Variants in SULF1 observed in about 807,000 individuals in gnomAD.
The protein encoded by SULF1 is extracellular sulfatase Sulf-1.
A neutral mutation model predicts 110.5 loss-of-function variants in SULF1; 46 were observed. The observed-to-expected ratio is 0.42, with a 90% CI of 0.33 to 0.53. The LOEUF is 0.53. Among genes scored for constraint, SULF1 ranks in the 20% least tolerant of loss-of-function variants. The probability of loss-of-function intolerance (pLI) is 0.12; values close to 1 mark genes in which losing one functional copy is unlikely to be tolerated. For synonymous variants in SULF1, 371 were observed against 387.1 expected, an observed-to-expected ratio of 0.96 and a Z score of 0.49; for missense variants, 941 against 1,094.2, an observed-to-expected ratio of 0.86 and a Z score of 1.98.
chr8:69,526,855 A>C (rs140239135), intron 3 of SULF1, among the ~76,000 whole-genome samples: 158 of 140,916 alleles, frequency 1.1e-3, no homozygotes, highest in East Asian at 5.0e-3. Context: ...GGAAGGAAGG[A>C]AGGAAAGAAG....
intron 19 of SULF1, among the ~76,000 whole-genome samples, chr8:69,637,372 C>G (rs937337567): frequency 6.6e-6 from 1 of 152,168 alleles, no homozygotes; most frequent in Non-Finnish European, 1.5e-5. Context: ...GGGCCAAATG[C>G]TTTGTTAATG....
At chr8:69,623,855 A>G (rs1809796995) in intron 14 of SULF1, 87 bp from the exon 15 acceptor site, 9 of 1,485,282 alleles carry the variant, frequency 6.1e-6, no homozygotes, top group Non-Finnish European at 8.2e-6. Context: ...TCTCCACTCC[A>G]GGATCCCTTC....
intron 13 of SULF1, among the ~76,000 whole-genome samples, chr8:69,611,921 A>T (rs1808690417): frequency 6.6e-6 from 1 of 152,032 alleles, no homozygotes; most frequent in African/African-American, 2.4e-5. Flanking sequence ...CTTTAGTTAG[A>T]TTTCTGAGAT....
intron 6 of SULF1, among the ~76,000 whole-genome samples, chr8:69,582,570 G>A (rs1586466515): frequency 6.6e-6 from 1 of 151,944 alleles, no homozygotes; most frequent in Middle Eastern, 3.4e-3. Context: ...GGGGGAGGGA[G>A]AAGTGAAGTA....
intron 1 of SULF1, among the ~76,000 whole-genome samples, chr8:69,487,610 T>G (rs773644941): frequency 7.9e-5 from 12 of 152,230 alleles, no homozygotes; most frequent in Non-Finnish European, 1.5e-4. Context: ...GAGCAACAGA[T>G]GTGGTTTAAA....
intron 3 of SULF1, among the ~76,000 whole-genome samples, chr8:69,534,959 T>G (rs1442860493): frequency 2.6e-5 from 4 of 152,194 alleles, no homozygotes; most frequent in Non-Finnish European, 5.9e-5. Flanking sequence ...ACAAGCAAGT[T>G]GTTTTTAAAA....
At chr8:69,611,569 G>A (rs938117475) in intron 13 of SULF1, among the ~76,000 whole-genome samples, 1 of 152,150 alleles carries the variant, frequency 6.6e-6, no homozygotes, top group African/African-American at 2.4e-5. Flanking sequence ...ACAAAGATGT[G>A]AATATGGTCT....
intron 6 of SULF1, 62 bp from the exon 7 acceptor site, chr8:69,586,295 T>C: frequency 5.4e-6 from 8 of 1,472,622 alleles, no homozygotes; most frequent in Non-Finnish European, 7.2e-6. Context: ...ATTTTATACT[T>C]ATCCATTTAT....
chr8:69,581,219 C>T (rs1458943996), intron 6 of SULF1, among the ~76,000 whole-genome samples: 3 of 152,112 alleles, frequency 2.0e-5, no homozygotes, highest in Non-Finnish European at 2.9e-5. Context: ...TAGTTACTAG[C>T]GTGAAATCCA....
chr8:69,580,163 A>G (rs2150752776), intron 6 of SULF1, among the ~76,000 whole-genome samples: 1 of 152,302 alleles, frequency 6.6e-6, no homozygotes, highest in East Asian at 1.9e-4. Flanking sequence ...AAGTTTACTC[A>G]TGGAAAATAT....
At chr8:69,517,234 A>T (rs748157960) in intron 3 of SULF1, among the ~76,000 whole-genome samples, 2 of 152,154 alleles carry the variant, frequency 1.3e-5, no homozygotes, top group Non-Finnish European at 2.9e-5. Flanking sequence ...CACTCTCATG[A>T]TAGCCAACAC....
chr8:69,474,038 T>C (rs1345917366), intron 1 of SULF1, among the ~76,000 whole-genome samples: 2 of 152,214 alleles, frequency 1.3e-5, no homozygotes, highest in Non-Finnish European at 1.5e-5. Flanking sequence ...TCTTCCCATT[T>C]TCCTGAACAA....
intron 5 of SULF1, among the ~76,000 whole-genome samples, chr8:69,571,554 C>T (rs1240623559): frequency 6.6e-6 from 1 of 152,160 alleles, no homozygotes; most frequent in Non-Finnish European, 1.5e-5. Flanking sequence ...CATATCATTC[C>T]TATGAAATAA....
chr8:69,594,361 A>G (rs1807146371), intron 8 of SULF1, among the ~76,000 whole-genome samples: 1 of 152,134 alleles, frequency 6.6e-6, no homozygotes, highest in African/African-American at 2.4e-5. Context: ...TGTTATTCCA[A>G]TTTAACAGTT....
chr8:69,589,967 A>T (rs1176600558), intron 8 of SULF1, among the ~76,000 whole-genome samples: 1 of 152,150 alleles, frequency 6.6e-6, no homozygotes, highest in Non-Finnish European at 1.5e-5. Context: ...GGGAACAGAA[A>T]ATTGGTATCT....
At chr8:69,609,300 C>A (rs1175251870) in intron 13 of SULF1, among the ~76,000 whole-genome samples, 1 of 152,068 alleles carries the variant, frequency 6.6e-6, no homozygotes, top group South Asian at 2.1e-4. Context: ...GAGCCGTGAT[C>A]GTGCCACTGC....
chr8:69,526,277 T>G (rs538875459), intron 3 of SULF1, among the ~76,000 whole-genome samples: 1 of 152,190 alleles, frequency 6.6e-6, no homozygotes, highest in Non-Finnish European at 1.5e-5. Flanking sequence ...GATAAAGGAC[T>G]TCTCCCAAGG....
intron 2 of SULF1, among the ~76,000 whole-genome samples, chr8:69,498,125 A>T: frequency 6.7e-6 from 1 of 150,272 alleles, no homozygotes; most frequent in African/African-American, 2.4e-5. Flanking sequence ...ACACACACAC[A>T]CACACACACA....
At chr8:69,580,643 A>G (rs533396032) in intron 6 of SULF1, among the ~76,000 whole-genome samples, 1 of 152,204 alleles carries the variant, frequency 6.6e-6, no homozygotes, top group Non-Finnish European at 1.5e-5. Flanking sequence ...CAATTGTGGT[A>G]TTTGAATTAT....
Sources: allele counts gnomAD v4.1 joint callset (sites outside exome capture counted in the v4.1 genomes callset), GRCh38; gene constraint gnomAD v4.1.1; transcripts MANE v1.5; gene names NCBI Gene and HGNC (gene_info 2026-07-23, HGNC 2026-07-21).